Variants in CFAP299 observed in about 807,000 individuals in gnomAD.
CFAP299 encodes the protein cilia- and flagella-associated protein 299.
In CFAP299, 21 loss-of-function variants were observed where a neutral mutation model predicts 27.0. The observed-to-expected ratio is 0.78, with a 90% CI of 0.55 to 1.12. The LOEUF is 1.12. Among genes scored for constraint, CFAP299 ranks in the 50% most tolerant of loss-of-function variants. The pLI is 0.00. For missense variants in CFAP299, 310 were observed against 276.6 expected (o/e 1.12, Z -0.86); for synonymous variants, 104 against 98.1 (o/e 1.06, Z -0.36).
At chr4:80,510,252 A>G (rs1461196308) in intron 2 of CFAP299, among the ~76,000 whole-genome samples, 3 of 152,136 alleles carry the variant, frequency 2.0e-5, no homozygotes, top group East Asian at 1.9e-4. Context: ...TCATCTGTCT[A>G]TCTTCTTTAC....
intron 2 of CFAP299, among the ~76,000 whole-genome samples, chr4:80,369,674 C>G (rs13112794): frequency 1.3e-5 from 2 of 152,204 alleles, no homozygotes; most frequent in African/African-American, 2.4e-5. Flanking sequence ...CTCTTCTTGC[C>G]TGCTGCTTCC....
chr4:80,360,686 T>C (rs1209061369), intron 1 of CFAP299, among the ~76,000 whole-genome samples: 1 of 152,164 alleles, frequency 6.6e-6, no homozygotes, highest in Non-Finnish European at 1.5e-5. Context: ...TTGTTATAGG[T>C]TTCAAGTTTC....
At chr4:80,913,431 G>A (rs1209288766) in intron 4 of CFAP299, among the ~76,000 whole-genome samples, 1 of 152,110 alleles carries the variant, frequency 6.6e-6, no homozygotes, top group Admixed American at 6.5e-5. Context: ...GAATAGCTAA[G>A]GAACACATTG....
At chr4:80,712,322 G>T (rs775399699) in intron 3 of CFAP299, among the ~76,000 whole-genome samples, 1 of 152,104 alleles carries the variant, frequency 6.6e-6, no homozygotes, top group Non-Finnish European at 1.5e-5. Context: ...ATATTAGAAA[G>T]CCAATACAGC....
chr4:80,518,756 T>C (rs1474963439), intron 2 of CFAP299, among the ~76,000 whole-genome samples: 1 of 152,156 alleles, frequency 6.6e-6, no homozygotes, highest in Non-Finnish European at 1.5e-5. Context: ...CAGGTATCCC[T>C]GCCTGGCGAA....
At chr4:80,388,238 G>A in intron 2 of CFAP299, 1 of 694,112 alleles carries the variant, frequency 1.4e-6, no homozygotes, top group East Asian at 2.7e-5. Flanking sequence ...GCTCTGCACA[G>A]GTCGCGGGCC....
chr4:80,822,966 G>C (rs948573427), intron 3 of CFAP299, among the ~76,000 whole-genome samples: 1 of 151,976 alleles, frequency 6.6e-6, no homozygotes, highest in Admixed American at 6.6e-5. Context: ...AACCACTTAC[G>C]TGAAGTTTTA....
At chr4:80,934,891 T>A (rs1736811998) in intron 4 of CFAP299, among the ~76,000 whole-genome samples, 2 of 152,058 alleles carry the variant, frequency 1.3e-5, no homozygotes, top group African/African-American at 2.4e-5. Flanking sequence ...TCTTCTTTGA[T>A]CATTAGTGTT....
At chr4:80,932,787 A>G (rs1415183931) in intron 4 of CFAP299, among the ~76,000 whole-genome samples, 2 of 152,190 alleles carry the variant, frequency 1.3e-5, no homozygotes, top group Non-Finnish European at 2.9e-5. Flanking sequence ...GAGACCACAC[A>G]TCTGATTGCC....
intron 2 of CFAP299, among the ~76,000 whole-genome samples, chr4:80,456,514 C>T (rs1729166689): frequency 6.6e-6 from 1 of 151,916 alleles, no homozygotes; most frequent in Admixed American, 6.6e-5. Flanking sequence ...GAAGATAGAA[C>T]AGGAAGAATT....
intron 3 of CFAP299, among the ~76,000 whole-genome samples, chr4:80,610,636 A>T (rs574786688): frequency 2.6e-5 from 4 of 152,178 alleles, no homozygotes; most frequent in South Asian, 2.1e-4. Flanking sequence ...AGAACTTTTT[A>T]AAAAAAGTTT....
intron 3 of CFAP299, among the ~76,000 whole-genome samples, chr4:80,651,705 TG>T (rs1237149675): frequency 2.1e-3 from 2 of 936 alleles, no homozygotes; most frequent in East Asian, 0.033. Flanking sequence ...GGTATGCACT[TG>T]TGTGTGTGTG....
At chr4:80,707,714 T>C (rs1721902522) in intron 3 of CFAP299, among the ~76,000 whole-genome samples, 1 of 152,090 alleles carries the variant, frequency 6.6e-6, no homozygotes, top group South Asian at 2.1e-4. Flanking sequence ...ACTTCTCATC[T>C]GGTCTCAGGT....
chr4:80,334,890 C>T (rs755021968), upstream of CFAP299, among the ~76,000 whole-genome samples: 8 of 152,108 alleles, frequency 5.3e-5, no homozygotes, highest in Non-Finnish European at 7.4e-5. Context: ...GAATTAGAAA[C>T]GTACTTACAG....
At chr4:80,342,611 G>A (rs946461559) in intron 1 of CFAP299, among the ~76,000 whole-genome samples, 6 of 152,104 alleles carry the variant, frequency 3.9e-5, no homozygotes, top group African/African-American at 1.4e-4. Context: ...TTTCAGACAA[G>A]CAAATGCTGA....
intron 2 of CFAP299, among the ~76,000 whole-genome samples, chr4:80,509,056 C>T (rs1257652618): frequency 6.6e-6 from 1 of 151,982 alleles, no homozygotes; most frequent in Non-Finnish European, 1.5e-5. Context: ...ACTTCCTGAC[C>T]CCAGATGTTT....
intron 3 of CFAP299, among the ~76,000 whole-genome samples, chr4:80,779,825 T>C (rs898246765): frequency 4.6e-5 from 7 of 152,030 alleles, no homozygotes; most frequent in African/African-American, 1.7e-4. Context: ...TACTCACTTA[T>C]TTGTACATAA....
intron 2 of CFAP299, among the ~76,000 whole-genome samples, chr4:80,403,726 T>G (rs975848763): frequency 1.3e-5 from 2 of 152,204 alleles, no homozygotes; most frequent in Non-Finnish European, 2.9e-5. Context: ...TATTTTTGTT[T>G]GCGTTGATTG....
intron 4 of CFAP299, among the ~76,000 whole-genome samples, chr4:80,917,266 T>C (rs1323904601): frequency 1.3e-5 from 2 of 152,108 alleles, no homozygotes; most frequent in African/African-American, 4.8e-5. Flanking sequence ...ATTTCGCAGA[T>C]AACCGATCTG....
Sources: allele counts gnomAD v4.1 joint callset (sites outside exome capture counted in the v4.1 genomes callset), GRCh38; gene constraint gnomAD v4.1.1; transcripts MANE v1.5; gene names NCBI Gene and HGNC (gene_info 2026-07-23, HGNC 2026-07-21).